PAK1: variants seen among roughly 807,000 people sequenced by gnomAD.
PAK1 encodes p21 (RAC1) activated kinase 1.
A neutral mutation model predicts 67.4 loss-of-function variants in PAK1; 29 were observed. That is an observed-to-expected ratio of 0.43 (90% confidence interval 0.32 to 0.59). The LOEUF is 0.59. Among genes scored for constraint, PAK1 ranks in the 20% least tolerant of loss-of-function variants. PAK1 has a pLI of 0.07. For synonymous variants in PAK1, 223 were observed against 237.4 expected (o/e 0.94, Z 0.56); for missense variants, 337 against 670.7 (o/e 0.50, Z 5.50).
the PAK1 span, among the ~76,000 whole-genome samples, chr11:77,506,109 G>A: frequency 2.6e-4 from 39 of 152,280 alleles, no homozygotes; most frequent in African/African-American, 7.5e-4. Flanking sequence ...GATAACCAAC[G>A]ACTGACATTT....
chr11:77,435,325 G>A (rs1956072538), intron 1 of PAK1, among the ~76,000 whole-genome samples: 1 of 152,006 alleles, frequency 6.6e-6, no homozygotes, highest in Non-Finnish European at 1.5e-5. Flanking sequence ...GTCAAATCCT[G>A]GTCTATCACT....
rs118133076 is a variant in PAK1, at chr11:77,347,608, A to G, written c.885+1631T>C. Among the ~76,000 whole-genome samples the G allele has an allele frequency of 5.0e-3, 757 of 152,300 alleles. 9 individuals are homozygous for G. Among genetic ancestry groups the G allele is most frequent in the Non-Finnish European group, 3.3e-3 (223 of 68,022 alleles). ...CTCACCATTATTTTTACTTTAAGGC[A>G]GATTCGTGTCAATATTACAAGGCTT... On this transcript the variant is annotated intron_variant, in intron 9 of 14. Coordinates refer to ENST00000356341, the MANE Select transcript of PAK1 (RefSeq NM_002576.5).
chr11:77,426,993 C>T (rs1352392785), intron 1 of PAK1, among the ~76,000 whole-genome samples: 1 of 152,152 alleles, frequency 6.6e-6, no homozygotes. Flanking sequence ...GTTCAAGATG[C>T]TGCTATGGCT....
intron 1 of PAK1, among the ~76,000 whole-genome samples, chr11:77,410,899 C>G (rs1056861804): frequency 2.0e-5 from 3 of 152,130 alleles, no homozygotes; most frequent in African/African-American, 7.2e-5. Flanking sequence ...ACAGCCAGGT[C>G]TGTCATTAAC....
intron 1 of PAK1, among the ~76,000 whole-genome samples, chr11:77,467,988 A>G (rs1332454674): frequency 1.3e-5 from 2 of 152,214 alleles, no homozygotes; most frequent in African/African-American, 4.8e-5. Context: ...TGGACCTTAA[A>G]GATATAGGCA....
intron 1 of PAK1, among the ~76,000 whole-genome samples, chr11:77,410,260 A>G (rs1486513286): frequency 6.6e-6 from 1 of 151,472 alleles, no homozygotes; most frequent in African/African-American, 2.4e-5. Context: ...CTCTCCTCCC[A>G]CTCAGGCCCC....
chr11:77,334,084 G>A (rs184071395), intron 13 of PAK1, among the ~76,000 whole-genome samples: 1,795 of 151,842 alleles, frequency 0.012, 12 homozygotes, highest in Middle Eastern at 0.017. Context: ...CAGGAGAATC[G>A]CTTGAACCTG....
At chr11:77,510,771 C>A in the PAK1 span, among the ~76,000 whole-genome samples, 2 of 152,144 alleles carry the variant, frequency 1.3e-5, no homozygotes, top group Non-Finnish European at 2.9e-5. Context: ...ACTGTGAGGT[C>A]TTCCCTTTTC....
chr11:77,516,754 A>T, the PAK1 span, among the ~76,000 whole-genome samples: 512 of 150,316 alleles, frequency 3.4e-3, 2 homozygotes, highest in Middle Eastern at 0.048. Flanking sequence ...CTGTAACCTT[A>T]GCCCTTGAGA....
At chr11:77,346,605 T>C (rs149644357) in intron 9 of PAK1, among the ~76,000 whole-genome samples, 15 of 152,298 alleles carry the variant, frequency 9.8e-5, no homozygotes, top group Non-Finnish European at 2.1e-4. Flanking sequence ...ATAACAAAAA[T>C]GGTAATCACA....
intron 1 of PAK1, among the ~76,000 whole-genome samples, chr11:77,426,595 T>C (rs907353753): frequency 2.0e-5 from 3 of 152,148 alleles, no homozygotes; most frequent in Non-Finnish European, 4.4e-5. Context: ...GAATAAAAGC[T>C]TTCCTTCCTC....
chr11:77,333,192 TTC>T (rs1942016796), intron 13 of PAK1, among the ~76,000 whole-genome samples: 1 of 149,270 alleles, frequency 6.7e-6, no homozygotes, highest in African/African-American at 2.5e-5. Context: ...ATTCTTCTTC[TTC>T]TTTTTTTTTT....
intron 7 of PAK1, 47 bp from the exon 8 acceptor site, chr11:77,353,646 T>C (rs1386673826): frequency 4.7e-6 from 7 of 1,474,130 alleles, no homozygotes; most frequent in South Asian, 4.5e-5. Flanking sequence ...CAAATCAAGA[T>C]ACAAAAAAGG....
intron 7 of PAK1, among the ~76,000 whole-genome samples, chr11:77,354,824 C>A: frequency 6.6e-6 from 1 of 152,218 alleles, no homozygotes; most frequent in Admixed American, 6.5e-5. Flanking sequence ...TAAGTAGATA[C>A]AGTGAATAAA....
chr11:77,409,225 C>T (rs569940816), intron 1 of PAK1, among the ~76,000 whole-genome samples: 3 of 152,060 alleles, frequency 2.0e-5, no homozygotes, highest in Admixed American at 2.0e-4. Context: ...AGGCCATGAT[C>T]GTACCATTGC....
the PAK1 span, among the ~76,000 whole-genome samples, chr11:77,505,918 G>A: frequency 2.0e-5 from 3 of 152,286 alleles, no homozygotes; most frequent in South Asian, 4.1e-4. Context: ...AGCCAGGTCC[G>A]GCGCCAGGGA....
chr11:77,390,663 C>CTTTTT (rs56816970), intron 2 of PAK1, among the ~76,000 whole-genome samples: 2 of 132,768 alleles, frequency 1.5e-5, no homozygotes, highest in African/African-American at 5.6e-5. Flanking sequence ...TGCCCGACTC[C>CTTTTT]TTTTTTTTTT....
At chr11:77,459,185 A>C (rs902906840) in intron 1 of PAK1, among the ~76,000 whole-genome samples, 7 of 152,178 alleles carry the variant, frequency 4.6e-5, no homozygotes, top group Non-Finnish European at 1.5e-5. Context: ...TCCCTGAATA[A>C]CTAATTTACA....
the PAK1 span, among the ~76,000 whole-genome samples, chr11:77,499,696 G>A: frequency 6.6e-6 from 1 of 152,268 alleles, no homozygotes; most frequent in Non-Finnish European, 1.5e-5. Context: ...TTGTTTACAT[G>A]CCTGTCTGTC....
Sources: allele counts gnomAD v4.1 joint callset (sites outside exome capture counted in the v4.1 genomes callset), GRCh38; gene constraint gnomAD v4.1.1; transcripts MANE v1.5; gene names NCBI Gene and HGNC (gene_info 2026-07-23, HGNC 2026-07-21).